The following MAGI2 variants were observed in gnomAD, a reference collection of about 807,000 sequenced individuals.
MAGI2 encodes the protein membrane associated guanylate kinase, WW and PDZ domain containing 2, also known as membrane-associated guanylate kinase, WW and PDZ domain-containing protein 2.
MAGI2 carries 35 observed loss-of-function variants against 133.3 expected under a neutral mutation model. The ratio of observed to expected loss-of-function variants is 0.26; its 90% CI spans 0.20 to 0.35. The LOEUF (loss-of-function observed/expected upper bound fraction) is 0.35, where lower values mean the gene tolerates loss of function less well. MAGI2 is among the 10% of genes least tolerant of loss of function. The pLI is 1.00. For synonymous variants in MAGI2, 729 were observed against 710.6 expected (o/e 1.03, Z -0.41); for missense variants, 1,636 against 1,863.4 (o/e 0.88, Z 2.25).
intron 2 of MAGI2, among the ~76,000 whole-genome samples, chr7:78,637,825 G>T (rs1037839764): frequency 5.3e-5 from 8 of 152,296 alleles, no homozygotes; most frequent in Admixed American, 5.2e-4. Context: ...ACTCAGCCAG[G>T]TGTGGTGCCT....
chr7:78,843,250 A>C (rs1290640336), intron 2 of MAGI2, among the ~76,000 whole-genome samples: 1 of 151,860 alleles, frequency 6.6e-6, no homozygotes, highest in African/African-American at 2.4e-5. Context: ...TTGAGGCTTC[A>C]GTTTTGAAAT....
At chr7:79,116,342 T>C (rs1436412294) in intron 1 of MAGI2, among the ~76,000 whole-genome samples, 1 of 152,208 alleles carries the variant, frequency 6.6e-6, no homozygotes, top group Non-Finnish European at 1.5e-5. Context: ...ATACTTGTTA[T>C]GGTGAAGCCT....
chr7:79,043,542 CAAAAAAA>C (rs58828466), intron 1 of MAGI2, among the ~76,000 whole-genome samples: 9 of 40,424 alleles, frequency 2.2e-4, no homozygotes, highest in Admixed American at 3.8e-4. Context: ...GACTCCATCA[CAAAAAAA>C]AAAAAAAAAA....
chr7:78,706,830 G>A (rs1289612346), intron 2 of MAGI2, among the ~76,000 whole-genome samples: 1 of 152,034 alleles, frequency 6.6e-6, no homozygotes, highest in East Asian at 1.9e-4. Context: ...AAGGTCTAGG[G>A]TAGGGCATTA....
intron 4 of MAGI2, among the ~76,000 whole-genome samples, chr7:78,513,096 A>G (rs1795742875): frequency 6.6e-6 from 1 of 152,206 alleles, no homozygotes; most frequent in Non-Finnish European, 1.5e-5. Context: ...GAACATGCAC[A>G]TACAACATTT....
At position 78,942,455 on chromosome 7, in the gene MAGI2, C is replaced by G. The variant is rs374150074; in HGVS notation, c.418+64635G>C. Among the ~76,000 whole-genome samples, 43 of 152,162 alleles carry G rather than the reference C, an allele frequency of 2.8e-4. No homozygotes were observed. The South Asian group carries it at 5.8e-3, about 21-fold the overall frequency. ...TCTCTTACCATGATATATGTGGAAA[C>G]TTAGATATAAATGGAATATATTTAT... On this transcript the variant is annotated intron_variant, in intron 2 of 21. Coordinates refer to ENST00000354212, the MANE Select transcript of MAGI2 (RefSeq NM_012301.4).
chr7:78,841,862 T>A (rs552378019), intron 2 of MAGI2, among the ~76,000 whole-genome samples: 17 of 152,030 alleles, frequency 1.1e-4, no homozygotes, highest in African/African-American at 4.1e-4. Context: ...CCCAGGAATT[T>A]TTCTCTGACC....
chr7:79,085,973 C>T (rs1391126896), intron 1 of MAGI2, among the ~76,000 whole-genome samples: 2 of 151,942 alleles, frequency 1.3e-5, no homozygotes, highest in East Asian at 1.9e-4. Flanking sequence ...GGTTTTCTCA[C>T]ATCTTTTCTG....
intron 12 of MAGI2, among the ~76,000 whole-genome samples, chr7:78,191,559 G>A (rs1277274809): frequency 6.6e-6 from 1 of 152,128 alleles, no homozygotes; most frequent in East Asian, 1.9e-4. Flanking sequence ...GACACATAGC[G>A]AGTGTTTCAT....
intron 3 of MAGI2, among the ~76,000 whole-genome samples, chr7:78,592,132 A>T (rs924193174): frequency 6.6e-6 from 1 of 152,226 alleles, no homozygotes; most frequent in South Asian, 2.1e-4. Context: ...AACACAAGGA[A>T]AGAAAGTTGC....
chr7:78,812,675 G>C (rs1789183143), intron 2 of MAGI2, among the ~76,000 whole-genome samples: 1 of 151,764 alleles, frequency 6.6e-6, no homozygotes, highest in South Asian at 2.1e-4. Flanking sequence ...TGGAATACTT[G>C]ATGCTTTCAA....
intron 1 of MAGI2, among the ~76,000 whole-genome samples, chr7:79,312,922 T>A (rs556852403): frequency 3.9e-4 from 59 of 152,304 alleles, no homozygotes; most frequent in African/African-American, 1.4e-3. Flanking sequence ...TTCTTCCCTT[T>A]AGCTTGTATG....
chr7:78,467,101 G>C (rs1790711926), intron 6 of MAGI2, among the ~76,000 whole-genome samples: 1 of 152,160 alleles, frequency 6.6e-6, no homozygotes, highest in African/African-American at 2.4e-5. Flanking sequence ...TAACTAGTAA[G>C]GGACAGCGAG....
At chr7:78,154,631 G>T (rs528045289) in intron 16 of MAGI2, among the ~76,000 whole-genome samples, 1 of 152,178 alleles carries the variant, frequency 6.6e-6, no homozygotes, top group East Asian at 1.9e-4. Context: ...TACCCAAGCT[G>T]CCATGTGTGT....
At chr7:78,020,243 C>T (rs931468047) in intron 21 of MAGI2, among the ~76,000 whole-genome samples, 1 of 152,208 alleles carries the variant, frequency 6.6e-6, no homozygotes, top group Non-Finnish European at 1.5e-5. Flanking sequence ...AGGCCTAATC[C>T]CTTCGCCTTG....
At chr7:78,580,535 C>T (rs938088601) in intron 3 of MAGI2, among the ~76,000 whole-genome samples, 10 of 152,192 alleles carry the variant, frequency 6.6e-5, no homozygotes, top group Non-Finnish European at 1.3e-4. Context: ...AATTGGGGCA[C>T]AGGCAGGTTT....
intron 1 of MAGI2, among the ~76,000 whole-genome samples, chr7:79,130,344 T>A (rs994519025): frequency 3.9e-5 from 6 of 152,088 alleles, no homozygotes; most frequent in Non-Finnish European, 7.4e-5. Flanking sequence ...GAGAAAATAC[T>A]TGGATTTTTT....
In MAGI2 at chr7:79,151,626, T is replaced by G. The variant is rs143123771; in HGVS notation, c.302-144420A>C. ...CATTGAACAATTTTTAACCACTAATTTTTACATACAGTCATTTTCTGAAAT... is the reference window on the plus strand; with the variant it reads ...CATTGAACAATTTTTAACCACTAATGTTTACATACAGTCATTTTCTGAAAT... On this transcript the variant is annotated intron_variant, in intron 1 of 21. Coordinates refer to ENST00000354212, the MANE Select transcript of MAGI2 (RefSeq NM_012301.4). 4.2e-3 allele frequency among the ~76,000 whole-genome samples: 644 copies of G among 152,270 alleles called. 1 individual carries two copies. Among genetic ancestry groups the G allele is most frequent in the Non-Finnish European group, 6.3e-3 (430 of 68,010 alleles).
chr7:79,409,587 G>A (rs1160836927), intron 1 of MAGI2, among the ~76,000 whole-genome samples: 1 of 151,848 alleles, frequency 6.6e-6, no homozygotes. Flanking sequence ...CATGAGCTTG[G>A]GGACATGAAT....
Sources: gnomAD v4.1 joint callset for allele counts (sites outside exome capture counted in the v4.1 genomes callset) on GRCh38, gnomAD v4.1.1 for gene constraint, MANE v1.5 for transcripts, NCBI Gene and HGNC (gene_info 2026-07-23, HGNC 2026-07-21) for gene names.